The following NADK2 variants were observed in gnomAD, a reference collection of about 807,000 sequenced individuals.
NADK2 encodes NAD kinase 2, mitochondrial.
NADK2 carries 35 observed loss-of-function variants against 62.1 expected under a neutral mutation model. The ratio of observed to expected loss-of-function variants is 0.56; its 90% CI spans 0.43 to 0.75. NADK2 has a LOEUF of 0.75. Among genes scored for constraint, NADK2 ranks in the 30% least tolerant of loss-of-function variants. The probability of loss-of-function intolerance (pLI) is 0.00; values close to 1 mark genes in which losing one functional copy is unlikely to be tolerated. For synonymous variants in NADK2, 205 were observed against 207.9 expected (o/e 0.99, Z 0.12); for missense variants, 439 against 561.3 (o/e 0.78, Z 2.20).
intron 1 of NADK2, among the ~76,000 whole-genome samples, chr5:36,232,366 T>TTTAACACATAATAAATGCACAA (rs1214024768): frequency 3.3e-5 from 5 of 152,182 alleles, no homozygotes; most frequent in Non-Finnish European, 7.4e-5. Flanking sequence ...TTTTTTTAAA[T>TTTAACACATAATAAATGCACAA]TTAACACATA....
At chr5:36,212,056 T>C (rs1746869554) in intron 6 of NADK2, 134 bp from the exon 7 acceptor site, 3 of 620,342 alleles carry the variant, frequency 4.8e-6, no homozygotes, top group African/African-American at 3.8e-5. Context: ...ACAGTTAACA[T>C]TTAAATTATC....
chr5:36,240,996 G>C (rs1465672913), intron 1 of NADK2, among the ~76,000 whole-genome samples: 1 of 152,180 alleles, frequency 6.6e-6, no homozygotes, highest in Admixed American at 6.5e-5. Flanking sequence ...AGAGTAAAAG[G>C]GGGTGTGTCC....
At chr5:36,200,089 G>C in intron 10 of NADK2, 138 bp downstream of exon 10, 1 of 438,038 alleles carries the variant, frequency 2.3e-6, no homozygotes, top group Non-Finnish European at 3.9e-6. Context: ...GTTGCTTAAA[G>C]ACATTTAAGG....
At chr5:36,233,093 T>A (rs1225668582) in intron 1 of NADK2, among the ~76,000 whole-genome samples, 2 of 152,202 alleles carry the variant, frequency 1.3e-5, no homozygotes, top group African/African-American at 4.8e-5. Context: ...TGAAGTCAAA[T>A]AATTACATCT....
At chr5:36,207,337 C>A in intron 7 of NADK2, 72 bp from the exon 8 acceptor site, 3 of 1,117,772 alleles carry the variant, frequency 2.7e-6, no homozygotes, top group South Asian at 1.4e-5. Context: ...TTCTTCAGAA[C>A]TAAGGAAATC....
intron 4 of NADK2, among the ~76,000 whole-genome samples, chr5:36,222,302 C>T (rs1320586392): frequency 6.6e-6 from 1 of 152,112 alleles, no homozygotes; most frequent in Non-Finnish European, 1.5e-5. Context: ...TTCACCTACT[C>T]TCAAATCACG....
chr5:36,218,289 C>G, intron 5 of NADK2: 1 of 152,672 alleles, frequency 6.5e-6, no homozygotes, highest in East Asian at 1.9e-4. Context: ...TCCCTCTCCA[C>G]AAATTTTATA....
intron 1 of NADK2, among the ~76,000 whole-genome samples, chr5:36,228,666 C>T (rs1040037465): frequency 4.5e-4 from 68 of 151,632 alleles, no homozygotes; most frequent in African/African-American, 1.6e-3. Context: ...TTGCCCAGGC[C>T]GGGGTGTGGT....
At position 36,194,054 on chromosome 5, in the gene NADK2, T is replaced by C. The variant is rs1396118720; in HGVS notation, c.*1090A>G. The C allele has an allele frequency of 6.6e-6, 1 of 152,350 alleles. No homozygotes were observed. The highest frequency in any genetic ancestry group is 1.5e-5 in the Non-Finnish European group (1 of 68,022). 9.4% of individuals were successfully genotyped at this position (152,350 alleles called of 1,614,324 possible). ...AACGACAGGATCTTTTGGCAAAAATTCTAGGATTACTTATAAGTAGATCAA... is the reference window on the plus strand; with the variant it reads ...AACGACAGGATCTTTTGGCAAAAATCCTAGGATTACTTATAAGTAGATCAA... On this transcript the variant is annotated 3_prime_UTR_variant, in exon 12 of 12. Transcript: ENST00000381937.
chr5:36,223,031 G>A (rs886462185), intron 4 of NADK2, among the ~76,000 whole-genome samples: 8 of 152,140 alleles, frequency 5.3e-5, no homozygotes, highest in Non-Finnish European at 8.8e-5. Context: ...CTGGTAAAGG[G>A]CCAGATAATG....
chr5:36,226,336 A>G (rs1747481274), intron 3 of NADK2, 139 bp downstream of exon 3: 1 of 592,474 alleles, frequency 1.7e-6, no homozygotes, highest in Admixed American at 3.4e-5. Context: ...GAAGTTTTAA[A>G]CTTGATCGTA....
At chr5:36,240,539 AAT>A (rs1190301568) in intron 1 of NADK2, among the ~76,000 whole-genome samples, 1 of 152,162 alleles carries the variant, frequency 6.6e-6, no homozygotes, top group African/African-American at 2.4e-5. Context: ...AGAGATTTCC[AAT>A]ATATTTTTCT....
chr5:36,220,379 G>GTA (rs1188520014), intron 4 of NADK2, among the ~76,000 whole-genome samples: 1 of 152,062 alleles, frequency 6.6e-6, no homozygotes, highest in African/African-American at 2.4e-5. Flanking sequence ...GTAGATGAGA[G>GTA]TATGTGGCAC....
At chr5:36,221,936 C>T (rs1747285183) in intron 4 of NADK2, 1 of 152,138 alleles carries the variant, frequency 6.6e-6, no homozygotes, top group South Asian at 2.1e-4. Context: ...GGAATATTTA[C>T]TCAGCTAGAC....
chr5:36,232,045 C>G (rs1221433068), intron 1 of NADK2, among the ~76,000 whole-genome samples: 1 of 152,130 alleles, frequency 6.6e-6, no homozygotes, highest in Non-Finnish European at 1.5e-5. Flanking sequence ...GTTTCTCCTA[C>G]AGAATCTCCG....
chr5:36,228,234 T>G (rs950172911), intron 1 of NADK2, among the ~76,000 whole-genome samples: 1 of 152,178 alleles, frequency 6.6e-6, no homozygotes, highest in African/African-American at 2.4e-5. Context: ...CCATTAAAAT[T>G]TTTTTAACTA....
intron 1 of NADK2, among the ~76,000 whole-genome samples, chr5:36,234,281 G>A (rs372266341): frequency 2.0e-5 from 3 of 149,424 alleles, no homozygotes; most frequent in African/African-American, 7.4e-5. Context: ...GCTGAGGCAG[G>A]AGAATGGCGT....
intron 4 of NADK2, among the ~76,000 whole-genome samples, chr5:36,220,483 A>G (rs1747223568): frequency 6.6e-6 from 1 of 152,204 alleles, no homozygotes; most frequent in Non-Finnish European, 1.5e-5. Flanking sequence ...CAAACTCCTG[A>G]TAATAAATGT....
In NADK2 at chr5:36,197,562, C is replaced by T. The variant is rs761798721; in HGVS notation, c.1169G>A (p.Arg390His). ...PIANRVFSSS[R>H]QRCFSSKVCV... is the part of the protein sequence containing the mutation. ...TTACTTTGAGGAGAAACAACGCTGA[C>T]GACTGCTTGAGAAAACTCTATTTGC... Residue 390 changes from arginine to histidine, a missense_variant, in exon 11 of 12, where the codon CGT becomes CAT. Arg to His is a conservative substitution (Grantham distance 29). Transcript: ENST00000381937. 1.8e-5 allele frequency: 29 copies of T among 1,612,014 alleles called. No individual in the cohort carries two copies. The highest frequency in any genetic ancestry group is 2.7e-5 in the African/African-American group (2 of 74,736).
Sources: gnomAD v4.1 joint callset for allele counts (sites outside exome capture counted in the v4.1 genomes callset) on GRCh38, gnomAD v4.1.1 for gene constraint, MANE v1.5 for transcripts, NCBI Gene and HGNC (gene_info 2026-07-23, HGNC 2026-07-21) for gene names.